The following C10orf143 variants were observed in gnomAD, a reference collection of about 807,000 sequenced individuals.
C10orf143 encodes the protein uncharacterized protein C10orf143.
At chr10:130,084,424 G>T (rs181806374) in intron 1 of C10orf143, among the ~76,000 whole-genome samples, 111 of 152,270 alleles carry the variant, frequency 7.3e-4, no homozygotes, top group African/African-American at 2.6e-3. Flanking sequence ...TTATTACAGG[G>T]TTAGCAATTT....
intron 1 of C10orf143, among the ~76,000 whole-genome samples, chr10:130,088,372 G>A (rs941325363): frequency 2.0e-5 from 3 of 151,878 alleles, no homozygotes; most frequent in African/African-American, 7.3e-5. Context: ...CAACAAGAGC[G>A]AAACTCCATT....
At chr10:130,052,563 C>T (rs754604293) in intron 3 of C10orf143, among the ~76,000 whole-genome samples, 2 of 152,236 alleles carry the variant, frequency 1.3e-5, no homozygotes, top group African/African-American at 4.8e-5. Flanking sequence ...GCGTCAGCCC[C>T]ATAGGACACT....
chr10:130,060,597 A>G (rs2094154), downstream of C10orf143, among the ~76,000 whole-genome samples: 42 of 142,514 alleles, frequency 2.9e-4, no homozygotes, highest in East Asian at 3.1e-3. Context: ...GCCAAGGCGG[A>G]TGGATCACAA....
At chr10:130,044,906 C>T (rs940308045) in intron 3 of C10orf143, among the ~76,000 whole-genome samples, 3 of 152,132 alleles carry the variant, frequency 2.0e-5, no homozygotes, top group African/African-American at 7.2e-5. Context: ...CATAGGTGTG[C>T]GGATTGCAAG....
chr10:130,099,308 C>T (rs1396546597), intron 1 of C10orf143, among the ~76,000 whole-genome samples: 1 of 151,954 alleles, frequency 6.6e-6, no homozygotes, highest in African/African-American at 2.4e-5. Flanking sequence ...AAATAGCTTG[C>T]TTCTTGAGGA....
At chr10:130,103,258 G>A (rs1861587493) in intron 1 of C10orf143, among the ~76,000 whole-genome samples, 1 of 152,138 alleles carries the variant, frequency 6.6e-6, no homozygotes. Context: ...GATTACAGGT[G>A]TTGAGCTACC....
Position 130,049,953 on chromosome 10 carries a change from G to A in C10orf143, c.298-13983C>T, listed in dbSNP as rs577828590. 1.1e-4 allele frequency among the ~76,000 whole-genome samples: 16 copies of A among 152,342 alleles called. No individual in the cohort carries two copies. The South Asian group carries it at 3.1e-3, about 30-fold the overall frequency. On this transcript the variant is annotated intron_variant and NMD_transcript_variant, in intron 3 of 5. Transcript: ENST00000643056. ...AGAGAAAGAGGAAAATACACCGATGGCTGTAAAACCATCGGTGATGAAATT... is the reference window on the plus strand; with the variant it reads ...AGAGAAAGAGGAAAATACACCGATGACTGTAAAACCATCGGTGATGAAATT...
intron 3 of C10orf143, among the ~76,000 whole-genome samples, chr10:130,042,230 G>A (rs1049523295): frequency 2.0e-5 from 3 of 152,216 alleles, no homozygotes; most frequent in Non-Finnish European, 4.4e-5. Context: ...CAGAAAATGT[G>A]CATAGAGTTA....
intron 3 of C10orf143, among the ~76,000 whole-genome samples, chr10:130,050,947 GGACCACT>G (rs1224879075): frequency 2.0e-5 from 3 of 152,178 alleles, no homozygotes; most frequent in Non-Finnish European, 4.4e-5. Flanking sequence ...GGCTGTGGAG[GGACCACT>G]GAGCTGTTAC....
chr10:130,035,517 G>A (rs1049695669), intron 4 of C10orf143, among the ~76,000 whole-genome samples: 1 of 152,164 alleles, frequency 6.6e-6, no homozygotes, highest in Admixed American at 6.5e-5. Flanking sequence ...GCTGCAAAGG[G>A]GTGCAGCTGC....
chr10:130,045,896 C>T (rs1020476085), intron 3 of C10orf143, among the ~76,000 whole-genome samples: 1 of 152,172 alleles, frequency 6.6e-6, no homozygotes, highest in Non-Finnish European at 1.5e-5. Flanking sequence ...GAGAACGTGC[C>T]TGCCACGTGC....
chr10:130,105,815 C>A (rs1393643714), intron 1 of C10orf143, among the ~76,000 whole-genome samples: 1 of 152,212 alleles, frequency 6.6e-6, no homozygotes, highest in African/African-American at 2.4e-5. Context: ...AGGGGTGGGG[C>A]TTGCGCGGGT....
chr10:130,109,356 G>A (rs1861720127), intron 1 of C10orf143, among the ~76,000 whole-genome samples: 2 of 152,058 alleles, frequency 1.3e-5, no homozygotes, highest in South Asian at 4.1e-4. Context: ...CCCAGGGGAT[G>A]GTGTGAGGGG....
chr10:130,060,011 G>A (rs577653094), downstream of C10orf143, among the ~76,000 whole-genome samples: 2 of 152,280 alleles, frequency 1.3e-5, no homozygotes, highest in South Asian at 4.1e-4. Context: ...AAGCACAGCT[G>A]CAGTCATATT....
downstream of C10orf143, among the ~76,000 whole-genome samples, chr10:130,063,648 A>G (rs562265880): frequency 2.0e-5 from 3 of 152,194 alleles, no homozygotes; most frequent in African/African-American, 7.2e-5. Flanking sequence ...TGCCGAGGAC[A>G]CTCCCTGGAG....
At chr10:130,073,476 A>G (rs1350865371) in intron 3 of C10orf143, among the ~76,000 whole-genome samples, 1 of 152,182 alleles carries the variant, frequency 6.6e-6, no homozygotes, top group Non-Finnish European at 1.5e-5. Flanking sequence ...TCTGGACGTG[A>G]GCATTCCAGT....
intron 1 of C10orf143, 143 bp from the exon 2 acceptor site, chr10:130,080,044 A>C (rs979240211): frequency 2.5e-6 from 1 of 397,414 alleles, no homozygotes; most frequent in Non-Finnish European, 4.4e-6. Context: ...AGATGACTTT[A>C]AACTTTATCT....
intron 3 of C10orf143, among the ~76,000 whole-genome samples, chr10:130,045,916 A>G (rs1220397697): frequency 6.6e-6 from 1 of 152,092 alleles, no homozygotes; most frequent in African/African-American, 2.4e-5. Flanking sequence ...CGGGGGAGAA[A>G]GGAGCCACCT....
chr10:130,049,900 G>A (rs1246254500), intron 3 of C10orf143, among the ~76,000 whole-genome samples: 1 of 152,214 alleles, frequency 6.6e-6, no homozygotes, highest in Non-Finnish European at 1.5e-5. Context: ...TTCTATCCTT[G>A]TAGATGGTAT....
Sources: allele counts gnomAD v4.1 joint callset (sites outside exome capture counted in the v4.1 genomes callset), GRCh38; gene constraint gnomAD v4.1.1; transcripts MANE v1.5; gene names NCBI Gene and HGNC (gene_info 2026-07-23, HGNC 2026-07-21).